The following KCTD13 variants were observed in gnomAD, a reference collection of about 807,000 sequenced individuals.
KCTD13 encodes the protein BTB/POZ domain-containing adapter for CUL3-mediated RhoA degradation protein 1.
Under a neutral mutation model 32.3 loss-of-function variants are expected in KCTD13, and 15 were observed. The observed-to-expected ratio is 0.46, with a 90% CI of 0.31 to 0.71. The LOEUF is 0.71. KCTD13 is among the 30% of genes least tolerant of loss of function. The pLI is 0.05. For missense variants in KCTD13, 337 were observed against 452.6 expected (o/e 0.74, Z 2.32); for synonymous variants, 189 against 200.1 (o/e 0.94, Z 0.47).
intron 2 of KCTD13, 77 bp from the exon 3 acceptor site, chr16:29,912,126 G>T (rs2068724431): frequency 3.0e-6 from 3 of 1,009,758 alleles, no homozygotes; most frequent in Non-Finnish European, 4.5e-6. Context: ...TTCAAAAGCT[G>T]GTTGGGAACA....
intron 4 of KCTD13, 115 bp from the exon 5 acceptor site, chr16:29,911,288 C>T (rs2068703898): frequency 3.7e-6 from 3 of 812,266 alleles, no homozygotes; most frequent in Non-Finnish European, 5.9e-6. Context: ...GGCTTTGGTG[C>T]TCAACAGAGA....
intron 2 of KCTD13, chr16:29,919,622 G>C (rs966388667): frequency 6.6e-6 from 1 of 152,168 alleles, no homozygotes; most frequent in Admixed American, 6.5e-5. Context: ...AGAAACCGGA[G>C]TATGCCCTGG....
Position 29,906,543 on chromosome 16 carries a change from G to A in KCTD13, c.*329C>T, listed in dbSNP as rs1028338126. On this transcript the variant is annotated 3_prime_UTR_variant, in exon 6 of 6. Transcript: ENST00000568000. The stretch of plus-strand genomic sequence containing the variant: ...GACTGTGGTGATGTCAGGAAGGGCC[G>A]CACACTTTGGCATGGACGATGCACT... 9.9e-5 allele frequency: 49 copies of A among 493,494 alleles called. No homozygotes were observed. The highest frequency in any genetic ancestry group is 1.7e-4 in the African/African-American group (9 of 51,634). 30.6% of individuals were successfully genotyped at this position (493,494 alleles called of 1,614,324 possible). A position where few individuals can be genotyped will look rare whatever the true frequency, so the allele number is the denominator to read the frequency against.
chr16:29,922,673 C>T (rs2068933661), intron 2 of KCTD13: 2 of 203,644 alleles, frequency 9.8e-6, no homozygotes, highest in South Asian at 1.9e-4. Flanking sequence ...CTGGGAGTGG[C>T]CCTGCTTCTG....
At chr16:29,916,731 T>C (rs903231200) in intron 2 of KCTD13, among the ~76,000 whole-genome samples, 4 of 152,158 alleles carry the variant, frequency 2.6e-5, no homozygotes, top group African/African-American at 9.6e-5. Flanking sequence ...ATAAACATTA[T>C]CTCACATAGT....
At position 29,912,047 on chromosome 16, in the gene KCTD13, T is replaced by C. The variant is rs2068722913; in HGVS notation, c.417A>G (p.Gln139=). The C allele has an allele frequency of 1.2e-6, 2 of 1,602,108 alleles. No homozygotes were observed. Among genetic ancestry groups the C allele is most frequent in the Non-Finnish European group, 1.7e-6 (2 of 1,174,050 alleles). The change falls in exon 3 of 6, where the codon CAA becomes CAG. Residue 139 remains glutamine (Q), a splice_region_variant and synonymous_variant. Transcript: ENST00000568000. ...LIEDCQLALQ[Q]KRETLSPLCL... ...ACAGCGGGGACAGCGTCTCCCTTTTTTGCTGGGGAAGAAGCGGAAGGTGGT... is the reference window on the plus strand; with the variant it reads ...ACAGCGGGGACAGCGTCTCCCTTTTCTGCTGGGGAAGAAGCGGAAGGTGGT...
At position 29,926,157 on chromosome 16, in the gene KCTD13, C is replaced by A. The variant is rs1010535116; in HGVS notation, c.-124G>T. On this transcript the variant is annotated 5_prime_UTR_variant, in exon 1 of 6. Transcript: ENST00000568000. ...GCTCGGCGCACACGCCCACTCACCG[C>A]AGCTACTCTGCAAGACCGGCCCTCC... 2.6e-6 allele frequency: 3 copies of A among 1,149,624 alleles called. No individual in the cohort carries two copies. Among genetic ancestry groups the A allele is most frequent in the Non-Finnish European group, 2.3e-6 (2 of 864,160 alleles). 71.2% of individuals were successfully genotyped at this position (1,149,624 alleles called of 1,614,324 possible).
At chr16:29,923,679 C>T (rs796202874) in intron 1 of KCTD13, among the ~76,000 whole-genome samples, 6 of 151,184 alleles carry the variant, frequency 4.0e-5, no homozygotes, top group African/African-American at 1.2e-4. Flanking sequence ...AGGACCAACA[C>T]GGAGAAACCC....
chr16:29,909,226 A>C (rs1003052387), intron 5 of KCTD13, among the ~76,000 whole-genome samples: 1 of 152,134 alleles, frequency 6.6e-6, no homozygotes, highest in African/African-American at 2.4e-5. Context: ...GTCTTTAGCT[A>C]TGAAGGGAGT....
rs1277267962 is a variant in KCTD13 at position 29,911,038 on chromosome 16, G to T, written c.693C>A (p.Arg231=). 1 of 1,614,056 alleles carries T rather than the reference G, an allele frequency of 6.2e-7. No homozygotes were observed. Among genetic ancestry groups the T allele is most frequent in the Admixed American group, 1.7e-5 (1 of 59,990 alleles). The part of the protein sequence containing the change: ...ICCWSFYGQG[R]KIAEVCCTSI... ...AGGTGCAGCACACCTCGGCGATTTT[G>T]CGGCCCTGCCCGTAGAAAGACCAGC... The change falls in exon 5 of 6, where the codon CGC becomes CGA. Residue 231 remains arginine (R), a synonymous_variant. Transcript: ENST00000568000.
chr16:29,923,747 G>T (rs190470198), intron 1 of KCTD13, among the ~76,000 whole-genome samples: 12 of 152,136 alleles, frequency 7.9e-5, no homozygotes, highest in East Asian at 1.9e-4. Context: ...AGCTACTCGG[G>T]GGGGGGCGAG....
chr16:29,906,884 G>A lies in KCTD13; in HGVS notation c.978C>T (p.Val326=), dbSNP rs1389996472. ...HDERPHGQQI[V]FKD ...GGAGGGTCAGAGGTCAGTCCTTGAA[G>A]ACAATTTGTTGGCCATGAGGACGCT... The change falls in exon 6 of 6, where the codon GTC becomes GTT. Residue 326 remains valine (V), a synonymous_variant. Transcript: ENST00000568000. 10 of 1,614,018 alleles carry A rather than the reference G, an allele frequency of 6.2e-6. No individual in the cohort carries two copies. The highest frequency in any genetic ancestry group is 1.6e-4 in the Middle Eastern group (1 of 6,062).
chr16:29,922,654 C>T (rs1391405708), intron 2 of KCTD13: 1 of 182,830 alleles, frequency 5.5e-6, no homozygotes, highest in Non-Finnish European at 1.1e-5. Context: ...AATCCCCAAC[C>T]CTGTTTTACT....
intron 5 of KCTD13, among the ~76,000 whole-genome samples, chr16:29,907,324 A>T (rs984572485): frequency 6.6e-6 from 1 of 152,122 alleles, no homozygotes; most frequent in Admixed American, 6.5e-5. Flanking sequence ...TCTCTCCTTC[A>T]TCTCCTTCCC....
chr16:29,911,504 G>A (rs2068708778), intron 4 of KCTD13: 3 of 567,644 alleles, frequency 5.3e-6, no homozygotes, highest in Non-Finnish European at 6.2e-6. Context: ...CTCCTCATCT[G>A]TAAAATGGAG....
In KCTD13 at chr16:29,911,109, C is replaced by T. The variant is rs779703694; in HGVS notation, c.622G>A (p.Gly208Arg). The T allele has an allele frequency of 1.2e-5, 19 of 1,614,028 alleles. No individual in the cohort carries two copies. Among genetic ancestry groups the T allele is most frequent in the African/African-American group, 1.1e-4 (8 of 74,920 alleles). The change falls in exon 5 of 6, where the codon GGG becomes AGG. Residue 208 changes from glycine (G) to arginine (R), a missense_variant. Coordinates refer to ENST00000568000, the MANE Select transcript of KCTD13 (RefSeq NM_178863.5). ...ACATCCTTGAGGAAGAGTAGCCGCC[C>T]GTGGAAGCGCAGGGCCAGCTTGTCG... is the stretch of plus-strand genomic sequence containing the variant. ...LFDKLALRFH[G>R]RLLFLKDVLG...
intron 2 of KCTD13, among the ~76,000 whole-genome samples, chr16:29,917,510 G>C (rs1211157302): frequency 6.6e-6 from 1 of 151,996 alleles, no homozygotes; most frequent in African/African-American, 2.4e-5. Flanking sequence ...AGACGGGTGT[G>C]GTGGCTCATG....
intron 2 of KCTD13, among the ~76,000 whole-genome samples, chr16:29,915,767 G>T (rs1349658989): frequency 6.6e-6 from 1 of 152,120 alleles, no homozygotes; most frequent in Non-Finnish European, 1.5e-5. Flanking sequence ...GAGGCATCTT[G>T]TTGGTATTTC....
chr16:29,907,169 CCT>C, intron 5 of KCTD13, 61 bp from the exon 6 acceptor site: 7 of 1,228,100 alleles, frequency 5.7e-6, no homozygotes, highest in Non-Finnish European at 8.2e-6. Flanking sequence ...GGGCCATCCC[CCT>C]GCCTAGGGCC....
Sources: allele counts gnomAD v4.1 joint callset (sites outside exome capture counted in the v4.1 genomes callset), GRCh38; gene constraint gnomAD v4.1.1; transcripts MANE v1.5; gene names NCBI Gene and HGNC (gene_info 2026-07-23, HGNC 2026-07-21).